The following STK17B variants were observed in gnomAD, a reference collection of about 807,000 sequenced individuals.
STK17B encodes the protein serine/threonine kinase 17b.
Under a neutral mutation model 42.0 loss-of-function variants are expected in STK17B, and 21 were observed. The ratio of observed to expected loss-of-function variants is 0.50; its 90% CI spans 0.35 to 0.72. The LOEUF is 0.72. Ranked by LOEUF, STK17B falls within the 30% of genes least tolerant of loss-of-function variation. STK17B has a pLI of 0.00. For missense variants in STK17B, 349 were observed against 446.0 expected, an observed-to-expected ratio of 0.78 and a Z score of 1.96; for synonymous variants, 143 against 148.4, an observed-to-expected ratio of 0.96 and a Z score of 0.26.
At position 196,138,158 on chromosome 2, in the gene STK17B, T is replaced by C. The variant is rs547035728; in HGVS notation, c.837-429A>G. On this transcript the variant is annotated intron_variant, in intron 7 of 7. Coordinates refer to ENST00000263955, the MANE Select transcript of STK17B (RefSeq NM_004226.4). The stretch of plus-strand genomic sequence containing the variant: ...TCATGAAGATAAAAAGTAAAATTGT[T>C]TTCTCATTCCCCAATCCCACTTCCA... Among the ~76,000 whole-genome samples the C allele has an allele frequency of 5.3e-5, 8 of 152,332 alleles. No homozygotes were observed. In the South Asian group the frequency reaches 1.0e-3, roughly 20 times the overall value.
At position 196,143,582 on chromosome 2, in the gene STK17B, G is replaced by A; in HGVS notation, c.585C>T (p.Ile195=). 6.2e-7 allele frequency: 1 copy of A among 1,601,462 alleles called. No homozygotes were observed. ...TACCTAAATATTCTGGTGTTCCCATGATTTCCCGAAGTTCACACGCATGCC... is the reference window on the plus strand; with the variant it reads ...TACCTAAATATTCTGGTGTTCCCATAATTTCCCGAAGTTCACACGCATGCC... ...KIGHACELRE[I]MGTPEYLAPE... Residue 195 remains isoleucine (I), a synonymous_variant, in exon 5 of 8, where the codon ATC becomes ATT. Transcript: ENST00000263955.
chr2:196,149,102 C>A (rs183736990), intron 3 of STK17B, among the ~76,000 whole-genome samples: 21 of 151,894 alleles, frequency 1.4e-4, no homozygotes, highest in African/African-American at 5.1e-4. Context: ...CAAAGCAGAT[C>A]GTTTCAATAA....
At chr2:196,147,780 G>A (rs1699601148) in intron 3 of STK17B, among the ~76,000 whole-genome samples, 1 of 146,344 alleles carries the variant, frequency 6.8e-6, no homozygotes, top group South Asian at 2.2e-4. Flanking sequence ...TTGCCAGGCT[G>A]GAGTGCAGTG....
intron 1 of STK17B, among the ~76,000 whole-genome samples, chr2:196,166,972 C>G (rs916755431): frequency 1.3e-5 from 2 of 152,184 alleles, no homozygotes; most frequent in African/African-American, 4.8e-5. Context: ...GTACTTACAG[C>G]ATGACACATA....
intron 2 of STK17B, among the ~76,000 whole-genome samples, chr2:196,162,406 T>C (rs1699822979): frequency 6.7e-6 from 1 of 149,746 alleles, no homozygotes; most frequent in Non-Finnish European, 1.5e-5. Flanking sequence ...CTATTTCTTC[T>C]TCTTCTTCTT....
chr2:196,164,711 A>G (rs1699855545), intron 1 of STK17B, among the ~76,000 whole-genome samples: 1 of 152,196 alleles, frequency 6.6e-6, no homozygotes, highest in African/African-American at 2.4e-5. Context: ...ATTAGAGTTC[A>G]GCGTTTTCAG....
rs1699385290 is a variant in STK17B at position 196,135,485 on chromosome 2, AG to A, written c.*1961del. 6.6e-6 allele frequency: 1 copy of A among 152,240 alleles called. No individual in the cohort carries two copies. Among genetic ancestry groups the A allele is most frequent in the South Asian group, 2.1e-4 (1 of 4,834 alleles). 9.4% of individuals were successfully genotyped at this position (152,240 alleles called of 1,614,324 possible). On this transcript the variant is annotated 3_prime_UTR_variant, in exon 8 of 8. Transcript: ENST00000263955. ...GTCATAATTTATATGTCATAAGAAAAGAGCTCCTGGGCGGGGGCGCAGTGGC... is the reference window on the plus strand; with the variant it reads ...GTCATAATTTATATGTCATAAGAAAAAGCTCCTGGGCGGGGGCGCAGTGGC...
intron 7 of STK17B, among the ~76,000 whole-genome samples, chr2:196,139,126 G>A (rs1699453670): frequency 1.3e-5 from 2 of 151,926 alleles, no homozygotes; most frequent in Non-Finnish European, 2.9e-5. Flanking sequence ...ACCATGCCTG[G>A]CTAATTTTTT....
chr2:196,167,423 T>C (rs945286680), intron 1 of STK17B, among the ~76,000 whole-genome samples: 1 of 152,230 alleles, frequency 6.6e-6, no homozygotes, highest in African/African-American at 2.4e-5. Flanking sequence ...GTATATCTCA[T>C]GTCTTCGAGG....
intron 2 of STK17B, among the ~76,000 whole-genome samples, chr2:196,161,511 C>T (rs199681818): frequency 8.9e-3 from 617 of 69,078 alleles, no homozygotes; most frequent in South Asian, 0.015. Flanking sequence ...TATTATAATT[C>T]TTTTTTTTTT....
At chr2:196,173,792 G>C (rs1699974310), upstream of STK17B, among the ~76,000 whole-genome samples, 1 of 152,164 alleles carries the variant, frequency 6.6e-6, no homozygotes, top group East Asian at 1.9e-4. Flanking sequence ...GACCAGGGAT[G>C]GCGGTTGTTA....
At position 196,137,733 on chromosome 2, in the gene STK17B, T is replaced by C; in HGVS notation, c.837-4A>G. The stretch of plus-strand genomic sequence containing the variant: ...TATCTCTGCTGTTGGTCTTTTCCTT[T>C]GAAAGAAAGCACCAAGGGAAAATTG... On this transcript the variant is annotated splice_region_variant and splice_polypyrimidine_tract_variant and intron_variant, in intron 7 of 7. Transcript: ENST00000263955. The C allele has an allele frequency of 6.3e-7, 1 of 1,597,820 alleles. No homozygotes were observed. The highest frequency in any genetic ancestry group is 8.5e-7 in the Non-Finnish European group (1 of 1,171,314).
chr2:196,175,864 C>T (rs1378443156), upstream of STK17B, among the ~76,000 whole-genome samples: 1 of 152,142 alleles, frequency 6.6e-6, no homozygotes, highest in Non-Finnish European at 1.5e-5. Flanking sequence ...TAGAAAAATT[C>T]TTGCAGTTCA....
intron 7 of STK17B, among the ~76,000 whole-genome samples, chr2:196,138,875 A>G (rs1699449202): frequency 6.8e-6 from 1 of 146,550 alleles, no homozygotes; most frequent in African/African-American, 2.5e-5. Context: ...CGCTCAGCTG[A>G]CTCGCTTCTT....
rs765566509 is a variant in STK17B, at chr2:196,145,947, A to G, written c.444T>C (p.Tyr148=). 8.8e-6 allele frequency: 14 copies of G among 1,597,668 alleles called. No individual in the cohort carries two copies. In the African/African-American group the frequency reaches 1.6e-4, roughly 19 times the overall value. ...GGTGTACAATGTTATTCTGATGTAG[A>G]TAATAAACTCCTTCAAGTATTTGTT... ...LIKQILEGVY[Y]LHQNNIVHLD... is the part of the protein sequence containing the mutation. Residue 148 remains tyrosine (Y), a synonymous_variant, in exon 4 of 8, where the codon TAT becomes TAC. Transcript: ENST00000263955.
At chr2:196,169,841 T>C (rs373627816) in intron 1 of STK17B, among the ~76,000 whole-genome samples, 1 of 152,176 alleles carries the variant, frequency 6.6e-6, no homozygotes, top group Non-Finnish European at 1.5e-5. Flanking sequence ...TTAAAAAGTC[T>C]TGCCATGTAA....
intron 5 of STK17B, 87 bp from the exon 6 acceptor site, chr2:196,141,384 G>A (rs1699491643): frequency 1.3e-5 from 14 of 1,082,510 alleles, no homozygotes; most frequent in Non-Finnish European, 1.9e-5. Flanking sequence ...CTGGGACTGG[G>A]CATGATGGCT....
chr2:196,146,398 G>A (rs908829629), intron 3 of STK17B, among the ~76,000 whole-genome samples: 3 of 152,018 alleles, frequency 2.0e-5, no homozygotes, highest in Admixed American at 6.6e-5. Context: ...CAGCTACTTG[G>A]GAAGCTGAGG....
chr2:196,135,614 C>T lies in STK17B; in HGVS notation c.*1833G>A, dbSNP rs1314841262. 6.6e-6 allele frequency: 1 copy of T among 151,982 alleles called. No homozygotes were observed. Among genetic ancestry groups the T allele is most frequent in the Non-Finnish European group, 1.5e-5 (1 of 68,066 alleles). 9.4% of individuals were successfully genotyped at this position (151,982 alleles called of 1,614,324 possible). On this transcript the variant is annotated 3_prime_UTR_variant, in exon 8 of 8. Transcript: ENST00000263955. ...CCAACATGGTGAAACCCCGTCTCTA[C>T]TAAAAATACAAAAATTAGCTGGGCA...
Sources: gnomAD v4.1 joint callset for allele counts (sites outside exome capture counted in the v4.1 genomes callset) on GRCh38, gnomAD v4.1.1 for gene constraint, MANE v1.5 for transcripts, NCBI Gene and HGNC (gene_info 2026-07-23, HGNC 2026-07-21) for gene names.